Variants in PRKN observed in about 807,000 individuals in gnomAD.
The protein encoded by PRKN is E3 ubiquitin-protein ligase parkin.
PRKN carries 56 observed loss-of-function variants against 59.5 expected under a neutral mutation model. The observed-to-expected ratio is 0.94, with a 90% CI of 0.76 to 1.18. The LOEUF is 1.18. Ranked by LOEUF, PRKN falls within the 50% of genes most tolerant of loss-of-function variation. The pLI is 0.00. For synonymous variants in PRKN, 250 were observed against 222.1 expected (o/e 1.13, Z -1.12); for missense variants, 657 against 596.4 (o/e 1.10, Z -1.06).
intron 7 of PRKN, among the ~76,000 whole-genome samples, chr6:161,690,533 G>A (rs775330603): frequency 6.6e-6 from 1 of 152,270 alleles, no homozygotes. Context: ...CAAAATCATG[G>A]GATGCCCAGA....
At chr6:162,679,919 G>A (rs1779705676) in intron 1 of PRKN, among the ~76,000 whole-genome samples, 1 of 152,114 alleles carries the variant, frequency 6.6e-6, no homozygotes, top group Non-Finnish European at 1.5e-5. Context: ...TCAGCAGTCT[G>A]AGGATCTTCA....
intron 6 of PRKN, among the ~76,000 whole-genome samples, chr6:161,880,433 G>A (rs545189643): frequency 7.2e-5 from 11 of 152,258 alleles, no homozygotes; most frequent in African/African-American, 2.6e-4. Flanking sequence ...GTAAGTATAT[G>A]GGTAATTTAT....
intron 2 of PRKN, among the ~76,000 whole-genome samples, chr6:162,404,367 C>CAAAA (rs561461282): frequency 7.2e-5 from 10 of 139,068 alleles, no homozygotes; most frequent in East Asian, 6.5e-4. Context: ...GAGACTCTGT[C>CAAAA]AGAAAAAAAA....
chr6:161,655,652 A>G (rs1391750781), intron 7 of PRKN, among the ~76,000 whole-genome samples: 6 of 152,248 alleles, frequency 3.9e-5, no homozygotes, highest in African/African-American at 1.4e-4. Context: ...TACTGGAATC[A>G]ACTGGATACT....
intron 2 of PRKN, among the ~76,000 whole-genome samples, chr6:162,338,462 C>T (rs562479132): frequency 1.4e-3 from 211 of 152,280 alleles, no homozygotes; most frequent in Middle Eastern, 3.4e-3. Context: ...CTGTGTTGGC[C>T]GGGCCGGTCT....
rs185093423 is a variant in PRKN, at chr6:161,682,631, G to T, written c.871+103141C>A. Among the ~76,000 whole-genome samples the T allele has an allele frequency of 3.3e-5, 5 of 152,214 alleles. No homozygotes were observed. The East Asian group carries it at 9.7e-4, about 30-fold the overall frequency. On this transcript the variant is annotated intron_variant, in intron 7 of 11. Coordinates refer to ENST00000366898, the MANE Select transcript of PRKN (RefSeq NM_004562.3). ...GGGGCATTCTCAGGCACTGCGTTCA[G>T]GAGAAGGGCCCTGGAGGTGAAACAA...
At position 161,584,166 on chromosome 6, in the gene PRKN, G is replaced by A. The variant is rs969955135; in HGVS notation, c.872-14750C>T. 6.6e-6 allele frequency among the ~76,000 whole-genome samples: 1 copy of A among 152,146 alleles called. No homozygotes were observed. The highest frequency in any genetic ancestry group is 2.4e-5 in the African/African-American group (1 of 41,428). On this transcript the variant is annotated intron_variant, in intron 7 of 11. Transcript: ENST00000366898. This position sits in a 1 kb window ranked among gnomAD's most constrained non-coding sequence, Gnocchi z 4.8. ...CATCACTCCACTCTGAAAGAAATGA[G>A]AACCGTTTTTGCATTTCACCTTAAT...
chr6:161,801,564 C>CTCT (rs1791079866), intron 6 of PRKN, among the ~76,000 whole-genome samples: 1 of 152,220 alleles, frequency 6.6e-6, no homozygotes, highest in South Asian at 2.1e-4. Context: ...AGACCTGCCT[C>CTCT]TGTGCATCTG....
At chr6:162,387,471 GAAGTT>G (rs762491616) in intron 2 of PRKN, among the ~76,000 whole-genome samples, 1 of 149,820 alleles carries the variant, frequency 6.7e-6, no homozygotes, top group Non-Finnish European at 1.5e-5. Context: ...TCAAATTATT[GAAGTT>G]AAGAAGAAAA....
At chr6:162,234,122 G>T (rs1437680655) in intron 3 of PRKN, among the ~76,000 whole-genome samples, 2 of 152,150 alleles carry the variant, frequency 1.3e-5, no homozygotes, top group African/African-American at 2.4e-5. Context: ...TAGGATGGGG[G>T]AAAAAAGCAG....
At chr6:161,888,553 T>G (rs368476852) in intron 6 of PRKN, among the ~76,000 whole-genome samples, 1 of 152,182 alleles carries the variant, frequency 6.6e-6, no homozygotes, top group East Asian at 1.9e-4. Flanking sequence ...ACCAACTGAA[T>G]TAGCCTTTCT....
chr6:161,437,489 C>T (rs1230297060), intron 9 of PRKN, among the ~76,000 whole-genome samples: 10 of 152,134 alleles, frequency 6.6e-5, no homozygotes, highest in South Asian at 4.1e-4. Flanking sequence ...CTGCAGGAAT[C>T]GAAACCATGG....
chr6:161,814,976 TCA>T (rs1361656731), intron 6 of PRKN, among the ~76,000 whole-genome samples: 10 of 152,154 alleles, frequency 6.6e-5, no homozygotes, highest in Non-Finnish European at 1.5e-5. Context: ...CCAAATCATA[TCA>T]CACAGTTTCT....
intron 7 of PRKN, among the ~76,000 whole-genome samples, chr6:161,778,692 T>C (rs1187844252): frequency 6.6e-6 from 1 of 152,068 alleles, no homozygotes; most frequent in African/African-American, 2.4e-5. Context: ...TTAGAATTGC[T>C]GAGGAGGTCA....
intron 3 of PRKN, among the ~76,000 whole-genome samples, chr6:162,262,178 A>G (rs1779915455): frequency 6.6e-6 from 1 of 152,202 alleles, no homozygotes; most frequent in Admixed American, 6.5e-5. Context: ...GAGTCCTTTC[A>G]CACTAAGGAT....
rs1791329163 is a variant in PRKN, at chr6:161,480,327, G to A, written c.1083+68527C>T. Among the ~76,000 whole-genome samples, 1 of 152,100 alleles carries A rather than the reference G, an allele frequency of 6.6e-6. No homozygotes were observed. Among genetic ancestry groups the A allele is most frequent in the African/African-American group, 2.4e-5 (1 of 41,416 alleles). ...GTGAGTATGGGGCCCTGTGAGTATGGGGCCCTGTGAGTATGGGGCCCTGTG... is the reference window on the plus strand; with the variant it reads ...GTGAGTATGGGGCCCTGTGAGTATGAGGCCCTGTGAGTATGGGGCCCTGTG... On this transcript the variant is annotated intron_variant, in intron 9 of 11. Transcript: ENST00000366898. The surrounding 1 kb of genome is among the most constrained non-coding windows in gnomAD (Gnocchi z 4.1).
chr6:161,997,456 C>T, intron 5 of PRKN, among the ~76,000 whole-genome samples: 1 of 151,982 alleles, frequency 6.6e-6, no homozygotes. Context: ...CTGTGCCTTC[C>T]TACATGGGGA....
chr6:161,528,093 GATATA>G (rs369519285), intron 9 of PRKN, among the ~76,000 whole-genome samples: 349 of 152,262 alleles, frequency 2.3e-3, no homozygotes, highest in African/African-American at 7.8e-3. Flanking sequence ...AATTTCCATA[GATATA>G]ATATATGCAT....
At chr6:161,817,089 C>T (rs1242513321) in intron 6 of PRKN, among the ~76,000 whole-genome samples, 2 of 152,080 alleles carry the variant, frequency 1.3e-5, no homozygotes, top group Non-Finnish European at 2.9e-5. Context: ...GAGACTGGGT[C>T]CTAGAATTTG....
Sources: gnomAD v4.1 joint callset for allele counts (sites outside exome capture counted in the v4.1 genomes callset) on GRCh38, gnomAD v4.1.1 for gene constraint, Gnocchi (gnomAD v3.1) non-coding constraint, MANE v1.5 for transcripts, NCBI Gene and HGNC (gene_info 2026-07-23, HGNC 2026-07-21) for gene names.